RANBP2: variants seen among roughly 807,000 people sequenced by gnomAD.
RANBP2 encodes the protein RAN binding protein 2.
A neutral mutation model predicts 303.6 loss-of-function variants in RANBP2; 57 were observed. The observed-to-expected ratio is 0.19, with a 90% CI of 0.15 to 0.23. The LOEUF (loss-of-function observed/expected upper bound fraction) is 0.23, where lower values mean the gene tolerates loss of function less well. Among genes scored for constraint, RANBP2 ranks in the 10% least tolerant of loss-of-function variants. The pLI is 1.00. For missense variants in RANBP2, 3,138 were observed against 3,780.8 expected, an observed-to-expected ratio of 0.83 and a Z score of 4.46; for synonymous variants, 1,167 against 1,301.5, an observed-to-expected ratio of 0.90 and a Z score of 2.23.
chr2:109,564,297 T>C, the RANBP2 span: 1 of 1,355,852 alleles, frequency 7.4e-7, no homozygotes, highest in Non-Finnish European at 9.7e-7. Flanking sequence ...CCCATCATCC[T>C]GGATATATAA....
chr2:109,488,925 C>G, the RANBP2 span, among the ~76,000 whole-genome samples: 1 of 152,180 alleles, frequency 6.6e-6, no homozygotes, highest in Non-Finnish European at 1.5e-5. Flanking sequence ...TCTGGATCCC[C>G]GTGCTGCATG....
the RANBP2 span, chr2:108,839,371 A>T: frequency 7.6e-7 from 1 of 1,309,110 alleles, no homozygotes; most frequent in Middle Eastern, 1.9e-4. Context: ...CTTGTTTCAC[A>T]ATATCTGTTT....
the RANBP2 span, among the ~76,000 whole-genome samples, chr2:109,153,988 C>T: frequency 3.4e-4 from 52 of 152,280 alleles, no homozygotes; most frequent in Non-Finnish European, 5.7e-4. Flanking sequence ...CAAATTTGGG[C>T]GGCAGCCAAG....
chr2:109,572,582 G>A, the RANBP2 span, among the ~76,000 whole-genome samples: 107 of 150,226 alleles, frequency 7.1e-4, 1 homozygote, highest in South Asian at 0.023. Context: ...ACCCGGACAG[G>A]TAGACTTCAG....
the RANBP2 span, among the ~76,000 whole-genome samples, chr2:109,706,266 C>G: frequency 1.3e-5 from 2 of 152,184 alleles, no homozygotes; most frequent in Admixed American, 6.5e-5. Context: ...GCCCATTTCA[C>G]GCAGATGCGG....
the RANBP2 span, among the ~76,000 whole-genome samples, chr2:109,771,411 C>T: frequency 2.9e-5 from 3 of 102,412 alleles, no homozygotes; most frequent in Admixed American, 3.4e-4. Flanking sequence ...TACTGTAGAG[C>T]CCAGGACAGA....
the RANBP2 span, among the ~76,000 whole-genome samples, chr2:109,094,543 A>G: frequency 0.51 from 78,183 of 152,034 alleles, 21,536 homozygotes; most frequent in South Asian, 0.66. Context: ...ATATAAAAAA[A>G]GCTGGGCCAG....
the RANBP2 span, among the ~76,000 whole-genome samples, chr2:109,499,389 TCCA>T: frequency 6.6e-6 from 1 of 152,102 alleles, no homozygotes; most frequent in Non-Finnish European, 1.5e-5. Flanking sequence ...TGCCACAAAA[TCCA>T]CCACATGTGG....
chr2:109,435,900 G>T, the RANBP2 span, among the ~76,000 whole-genome samples: 1 of 152,190 alleles, frequency 6.6e-6, no homozygotes, highest in African/African-American at 2.4e-5. Flanking sequence ...AGCTCTGAGG[G>T]CTGGGGAAGG....
chr2:109,457,012 G>A, the RANBP2 span, among the ~76,000 whole-genome samples: 5 of 152,152 alleles, frequency 3.3e-5, no homozygotes, highest in African/African-American at 1.2e-4. Flanking sequence ...GTGGACCTGG[G>A]GTCGGCTGCC....
In RANBP2 at chr2:108,783,614, CATG is replaced by C. The variant is rs780570451; in HGVS notation, c.9392_9394del (p.Asp3131del). On this transcript the variant is annotated inframe_deletion, in exon 29 of 29. Transcript: ENST00000283195. ...TTTTCAGGGAGGAGATATCACCAAA[CATG>C]ATGGAACAGGCGGACAGTCCATTTA... 3.7e-6 allele frequency: 6 copies of C among 1,611,070 alleles called. No homozygotes were observed. Among genetic ancestry groups the C allele is most frequent in the Non-Finnish European group, 8.5e-7 (1 of 1,178,254 alleles).
At chr2:109,464,607 G>A in the RANBP2 span, among the ~76,000 whole-genome samples, 453 of 152,224 alleles carry the variant, frequency 3.0e-3, 3 homozygotes, top group African/African-American at 9.9e-3. Flanking sequence ...TCTAAAAATA[G>A]CCCTTCTGAT....
chr2:108,845,776 T>A, the RANBP2 span, among the ~76,000 whole-genome samples: 3 of 152,160 alleles, frequency 2.0e-5, no homozygotes, highest in Non-Finnish European at 2.9e-5. Context: ...TTTCACCATG[T>A]TAGCCAGGAT....
chr2:109,420,334 A>G, the RANBP2 span, among the ~76,000 whole-genome samples: 4 of 152,280 alleles, frequency 2.6e-5, no homozygotes, highest in East Asian at 5.8e-4. Context: ...GGCAAACAAG[A>G]TGACATAATA....
the RANBP2 span, among the ~76,000 whole-genome samples, chr2:109,714,182 G>C: frequency 6.6e-6 from 1 of 152,174 alleles, no homozygotes; most frequent in Admixed American, 6.6e-5. Context: ...TGGGGCTCAA[G>C]TGATCCTCCT....
At chr2:109,234,994 A>G in the RANBP2 span, among the ~76,000 whole-genome samples, 14 of 152,184 alleles carry the variant, frequency 9.2e-5, no homozygotes, top group Admixed American at 5.2e-4. Flanking sequence ...TGACTATGGC[A>G]TATCTTTATC....
At chr2:109,158,055 C>T in the RANBP2 span, among the ~76,000 whole-genome samples, 1 of 152,166 alleles carries the variant, frequency 6.6e-6, no homozygotes, top group African/African-American at 2.4e-5. Context: ...TCATCTGGCT[C>T]CTGAGCCTGG....
At chr2:109,229,730 A>G in the RANBP2 span, among the ~76,000 whole-genome samples, 1 of 152,212 alleles carries the variant, frequency 6.6e-6, no homozygotes, top group South Asian at 2.1e-4. Flanking sequence ...GGAATCATAG[A>G]ATATTTGTCC....
At chr2:109,176,753 G>A in the RANBP2 span, among the ~76,000 whole-genome samples, 2 of 152,150 alleles carry the variant, frequency 1.3e-5, no homozygotes, top group South Asian at 2.1e-4. Context: ...AGAAGGCATA[G>A]GGGCATGGAA....
Sources: gnomAD v4.1 joint callset for allele counts (sites outside exome capture counted in the v4.1 genomes callset) on GRCh38, gnomAD v4.1.1 for gene constraint, MANE v1.5 for transcripts, NCBI Gene and HGNC (gene_info 2026-07-23, HGNC 2026-07-21) for gene names.